USP26: variants seen among roughly 807,000 people sequenced by gnomAD.
USP26 encodes ubiquitin carboxyl-terminal hydrolase 26.
For missense variants in USP26, 649 were observed against 642.3 expected, an observed-to-expected ratio of 1.01 and a Z score of -0.11; for synonymous variants, 236 against 240.6, an observed-to-expected ratio of 0.98 and a Z score of 0.18.
intron 5 of USP26, among the ~76,000 whole-genome samples, chrX:133,052,639 A>T (rs970781960): frequency 3.6e-5 from 4 of 112,267 alleles, no homozygotes; most frequent in Non-Finnish European, 5.6e-5. Flanking sequence ...GAAGTTGTTT[A>T]ACAAAAAGTC....
rs889871103 is a variant in USP26 at position 133,023,766 on chromosome X, G to A, written c.*1713C>T. Among the ~76,000 whole-genome samples the A allele has an allele frequency of 1.8e-5, 2 of 111,438 alleles. No homozygotes were observed. The highest frequency in any genetic ancestry group is 3.8e-5 in the Non-Finnish European group (2 of 53,044). On this transcript the variant is annotated 3_prime_UTR_variant, in exon 6 of 6. Transcript: ENST00000511190. ...TTGGAATCTGGTTTTCCTCTTACAG[G>A]GTATTACCTACTAATAACTTCCCCA...
chrX:133,051,676 C>T (rs2067459547), intron 5 of USP26, among the ~76,000 whole-genome samples: 1 of 112,223 alleles, frequency 8.9e-6, no homozygotes, highest in Non-Finnish European at 1.9e-5. Context: ...CTAGCTACTA[C>T]ACAAGGACTG....
chrX:133,043,296 C>G (rs2067426072), intron 5 of USP26, among the ~76,000 whole-genome samples: 1 of 112,299 alleles, frequency 8.9e-6, no homozygotes, highest in South Asian at 3.7e-4. Flanking sequence ...GATAACTGAG[C>G]TACCAGTGCT....
chrX:133,049,176 A>G (rs981562946), intron 5 of USP26, among the ~76,000 whole-genome samples: 2 of 111,667 alleles, frequency 1.8e-5, no homozygotes, highest in African/African-American at 6.5e-5. Flanking sequence ...ATGTGTGTGG[A>G]GGGGTTACAC....
intron 5 of USP26, among the ~76,000 whole-genome samples, chrX:133,049,500 T>C (rs1396220136): frequency 4.4e-5 from 5 of 112,364 alleles, no homozygotes; most frequent in Admixed American, 1.9e-4. Flanking sequence ...AGCACATCTC[T>C]AGAAGAAACC....
chrX:133,062,011 T>C (rs2067495599), intron 5 of USP26, among the ~76,000 whole-genome samples: 1 of 111,688 alleles, frequency 9.0e-6, no homozygotes, highest in Non-Finnish European at 1.9e-5. Flanking sequence ...TAAGAACCAC[T>C]GGCTTGAAAT....
intron 5 of USP26, 64 bp from the exon 6 acceptor site, chrX:133,028,360 T>C: frequency 1.4e-6 from 1 of 737,629 alleles, no homozygotes; most frequent in Non-Finnish European, 2.0e-6. Flanking sequence ...CTATTTCTAG[T>C]ATTGGTTTTA....
intron 5 of USP26, among the ~76,000 whole-genome samples, chrX:133,070,418 A>T (rs2067526934): frequency 9.0e-6 from 1 of 110,970 alleles, no homozygotes; most frequent in South Asian, 3.9e-4. Context: ...CCTCCTGTTT[A>T]CTCCTAAGAA....
chrX:133,052,379 T>C (rs2067462073), intron 5 of USP26, among the ~76,000 whole-genome samples: 1 of 112,129 alleles, frequency 8.9e-6, no homozygotes, highest in Non-Finnish European at 1.9e-5. Context: ...TCTCAATGTT[T>C]ACAGGGCTTT....
chrX:133,046,813 G>A (rs1040226031), intron 5 of USP26, among the ~76,000 whole-genome samples: 4 of 112,091 alleles, frequency 3.6e-5, no homozygotes, highest in Admixed American at 1.9e-4. Flanking sequence ...AAGCTCTGAT[G>A]AGAGAATGAG....
At chrX:133,090,555 T>C (rs889062703) in intron 3 of USP26, among the ~76,000 whole-genome samples, 163 bp downstream of exon 3, 1 of 112,285 alleles carries the variant, frequency 8.9e-6, no homozygotes, top group Non-Finnish European at 1.9e-5. Flanking sequence ...GATATGAAAT[T>C]CTATCATTCA....
intron 5 of USP26, among the ~76,000 whole-genome samples, chrX:133,039,043 A>G (rs944090074): frequency 4.5e-5 from 5 of 110,659 alleles, no homozygotes; most frequent in Non-Finnish European, 7.6e-5. Flanking sequence ...CTACTTGATT[A>G]TTCTCTCTTT....
intron 5 of USP26, among the ~76,000 whole-genome samples, chrX:133,039,459 T>A (rs1003287452): frequency 8.9e-6 from 1 of 112,254 alleles, no homozygotes; most frequent in African/African-American, 3.2e-5. Flanking sequence ...TCTGTTTCCA[T>A]GCAGTTGTGT....
At chrX:133,028,395 G>C in intron 5 of USP26, 99 bp from the exon 6 acceptor site, 1 of 545,192 alleles carries the variant, frequency 1.8e-6, no homozygotes, top group South Asian at 3.2e-5. Context: ...TCAGGTTCTA[G>C]ATATCCAGCT....
intron 5 of USP26, among the ~76,000 whole-genome samples, chrX:133,078,074 G>T (rs935439356): frequency 1.8e-5 from 2 of 110,457 alleles, no homozygotes; most frequent in Admixed American, 9.7e-5. Flanking sequence ...ACGGCAGTCA[G>T]ACTCTGTCTC....
intron 5 of USP26, among the ~76,000 whole-genome samples, chrX:133,080,280 G>A (rs890099017): frequency 9.9e-5 from 11 of 111,088 alleles, no homozygotes; most frequent in Non-Finnish European, 1.7e-4. Flanking sequence ...AAGAAAGAAG[G>A]CACTGAAACC....
chrX:133,091,530 G>C (rs185503690), intron 1 of USP26, 87 bp from the exon 2 acceptor site: 1 of 112,280 alleles, frequency 8.9e-6, no homozygotes, highest in East Asian at 2.8e-4. Flanking sequence ...AACAGTCTAA[G>C]TTTGTCAATG....
chrX:133,059,717 A>T (rs1428516608), intron 5 of USP26, among the ~76,000 whole-genome samples: 1 of 110,676 alleles, frequency 9.0e-6, no homozygotes, highest in Non-Finnish European at 1.9e-5. Context: ...TTTCTGAGTG[A>T]CTTCAAACCC....
At chrX:133,044,098 C>T (rs1297962457) in intron 5 of USP26, among the ~76,000 whole-genome samples, 1 of 112,689 alleles carries the variant, frequency 8.9e-6, no homozygotes, top group Non-Finnish European at 1.9e-5. Flanking sequence ...TTGTGCCCAC[C>T]CACCCATCTA....
Sources: gnomAD v4.1 joint callset for allele counts (sites outside exome capture counted in the v4.1 genomes callset) on GRCh38, gnomAD v4.1.1 for gene constraint, MANE v1.5 for transcripts, NCBI Gene and HGNC (gene_info 2026-07-23, HGNC 2026-07-21) for gene names.